Variants in UNK observed in about 807,000 individuals in gnomAD.
UNK encodes the protein unk zinc finger, also known as RING finger protein unkempt homolog.
UNK carries 32 observed loss-of-function variants against 97.6 expected under a neutral mutation model. The observed-to-expected ratio is 0.33, with a 90% confidence interval of 0.25 to 0.44. UNK has a LOEUF of 0.44. Ranked by LOEUF, UNK falls within the 20% of genes least tolerant of loss-of-function variation. The pLI is 1.00. For synonymous variants in UNK, 441 were observed against 461.2 expected, an observed-to-expected ratio of 0.96 and a Z score of 0.56; for missense variants, 771 against 1,098.4, an observed-to-expected ratio of 0.70 and a Z score of 4.21.
At chr17:75,822,371 A>ACACC in intron 13 of UNK, 106 bp from the exon 14 acceptor site, 1 of 1,342,086 alleles carries the variant, frequency 7.5e-7, no homozygotes. Flanking sequence ...GGAGCCTTGC[A>ACACC]CACCCATCCA....
At chr17:75,809,672 C>T (rs768331556) in intron 1 of UNK, 88 bp from the exon 2 acceptor site, 10 of 1,441,148 alleles carry the variant, frequency 6.9e-6, no homozygotes, top group Non-Finnish European at 8.5e-6. Context: ...GCAGGGCCCT[C>T]AGGGGACTTG....
chr17:75,812,646 G>A, intron 4 of UNK, 61 bp downstream of exon 4: 1 of 1,566,552 alleles, frequency 6.4e-7, no homozygotes, highest in Middle Eastern at 1.8e-4. Context: ...CTGCCCTGGG[G>A]ATTTGGCTCA....
chr17:75,814,489 C>A (rs868077237), intron 6 of UNK, among the ~76,000 whole-genome samples: 222 of 69,806 alleles, frequency 3.2e-3, no homozygotes, highest in East Asian at 8.6e-3. Context: ...GAGACTCCAT[C>A]AAAAAAAAAA....
chr17:75,803,969 C>T (rs2061887221), intron 1 of UNK, among the ~76,000 whole-genome samples: 1 of 152,236 alleles, frequency 6.6e-6, no homozygotes, highest in South Asian at 2.1e-4. Context: ...CCCTATGCTT[C>T]AGGGAAGTCA....
chr17:75,794,021 A>G (rs765801318), intron 1 of UNK: 187 of 985,184 alleles, frequency 1.9e-4, no homozygotes, highest in Admixed American at 2.5e-4. Context: ...GCATCTGGTG[A>G]CCTGTCACTT....
At chr17:75,793,446 G>A (rs539571927) in intron 1 of UNK, 1 of 985,290 alleles carries the variant, frequency 1.0e-6, no homozygotes, top group South Asian at 4.7e-5. Context: ...TTGCCAGTGT[G>A]TAGAATTTGA....
intron 1 of UNK, among the ~76,000 whole-genome samples, chr17:75,805,290 T>A (rs2061901762): frequency 6.8e-6 from 1 of 146,512 alleles, no homozygotes; most frequent in Non-Finnish European, 1.5e-5. Flanking sequence ...CCCAGCTACC[T>A]GGGAGGCTGA....
In UNK at chr17:75,819,742, T is replaced by A. The variant is rs1378524625; in HGVS notation, c.1605T>A (p.Thr535=). Residue 535 remains threonine, a synonymous_variant, in exon 12 of 16, where the codon ACT becomes ACA. Transcript: ENST00000589666. This position sits in a 1 kb window ranked among gnomAD's most constrained non-coding sequence, Gnocchi z 5.4. The part of the protein sequence containing the change: ...NEFGVAALEK[T]FDNSTVPHPG... ...TTGGCGTGGCCGCCCTGGAGAAGACTTTCGATAACAGCACAGTGCCCCACC... is the reference window on the plus strand; with the variant it reads ...TTGGCGTGGCCGCCCTGGAGAAGACATTCGATAACAGCACAGTGCCCCACC... 1.9e-6 allele frequency: 3 copies of A among 1,613,880 alleles called. No homozygotes were observed. In the Admixed American group the frequency reaches 5.0e-5, roughly 27 times the overall value.
chr17:75,818,188 C>G lies in UNK; in HGVS notation c.1371+20C>G. 1 of 1,613,064 alleles carries G rather than the reference C, an allele frequency of 6.2e-7. No homozygotes were observed. On this transcript the variant is annotated intron_variant, in intron 10 of 15. Transcript: ENST00000589666. This position sits in a 1 kb window ranked among gnomAD's most constrained non-coding sequence, Gnocchi z 5.1. Reference sequence around the variant, plus strand: ...AAACAGGTATAGAGCTCTCAGCCCCCTTCCTCCCCTCTGCTGTGGACAGGA... The same window carrying G: ...AAACAGGTATAGAGCTCTCAGCCCCGTTCCTCCCCTCTGCTGTGGACAGGA...
At chr17:75,786,232 C>T (rs1465242923) in intron 1 of UNK, among the ~76,000 whole-genome samples, 1 of 152,152 alleles carries the variant, frequency 6.6e-6, no homozygotes, top group Non-Finnish European at 1.5e-5. Flanking sequence ...GCAGTCTTTC[C>T]ATTGATTTTG....
rs764351518 is a variant in UNK at position 75,820,001 on chromosome 17, C to T, written c.1730C>T (p.Pro577Leu). The T allele has an allele frequency of 6.2e-6, 10 of 1,613,738 alleles. No homozygotes were observed. The highest frequency in any genetic ancestry group is 4.4e-5 in the South Asian group (4 of 91,090). The change falls in exon 13 of 16, where the codon CCG becomes CTG. Residue 577 changes from proline to leucine, a missense_variant. Pro to Leu is a moderately conservative substitution (Grantham distance 98, BLOSUM62 -3). Coordinates refer to ENST00000589666, the MANE Select transcript of UNK (RefSeq NM_001080419.3). ...TCTGCCTCCTTCCACTCAGCATCCC[C>T]GTCCCCTCCCGTCAGCCTCTCCTCG... Reference protein sequence around the residue: ...GSSASFHSASPSPPVSLSSHF... With the variant: ...GSSASFHSASLSPPVSLSSHF...
chr17:75,785,010 C>T, intron 1 of UNK, 26 bp downstream of exon 1: 18 of 1,317,378 alleles, frequency 1.4e-5, no homozygotes, highest in Non-Finnish European at 1.8e-5. Context: ...CCCCCCCCGC[C>T]GCGCGCGCAC....
rs763644110 is a variant in UNK, at chr17:75,818,066, C to T, written c.1306-37C>T. 3.1e-6 allele frequency: 5 copies of T among 1,608,204 alleles called. No homozygotes were observed. Among genetic ancestry groups the T allele is most frequent in the Non-Finnish European group, 4.3e-6 (5 of 1,175,826 alleles). The stretch of plus-strand genomic sequence containing the variant: ...TCAGATGGACTCAGGGACCCCCCAG[C>T]ACCACATTCATCCACTCCCTGAATT... On this transcript the variant is annotated intron_variant, in intron 9 of 15. Coordinates refer to ENST00000589666, the MANE Select transcript of UNK (RefSeq NM_001080419.3). The surrounding 1 kb of genome is among the most constrained non-coding windows in gnomAD (Gnocchi z 5.1).
rs1286829404 is a variant in UNK, at chr17:75,824,474, A to G, written c.*57A>G. 6.0e-6 allele frequency: 5 copies of G among 830,182 alleles called. No homozygotes were observed. The highest frequency in any genetic ancestry group is 7.7e-6 in the Non-Finnish European group (5 of 650,322). 51.4% of individuals were successfully genotyped at this position (830,182 alleles called of 1,614,324 possible). A position where few individuals can be genotyped will look rare whatever the true frequency, so the allele number is the denominator to read the frequency against. On this transcript the variant is annotated 3_prime_UTR_variant, in exon 16 of 16. Transcript: ENST00000589666. The surrounding 1 kb of genome is among the most constrained non-coding windows in gnomAD (Gnocchi z 4.9). Reference sequence around the variant, plus strand: ...CTTCTCACCTAGGACTTTTTAAAGTATATATATATATATGAATATATATAT... The same window carrying G: ...CTTCTCACCTAGGACTTTTTAAAGTGTATATATATATATGAATATATATAT...
chr17:75,822,420 G>T, intron 13 of UNK, 57 bp from the exon 14 acceptor site: 1 of 1,544,532 alleles, frequency 6.5e-7, no homozygotes, highest in Non-Finnish European at 8.8e-7. Flanking sequence ...GGCAGGGCTG[G>T]CCAGGGCCTG....
chr17:75,802,116 G>A (rs1192599042), intron 1 of UNK, among the ~76,000 whole-genome samples: 1 of 152,028 alleles, frequency 6.6e-6, no homozygotes, highest in African/African-American at 2.4e-5. Context: ...CCAAAGGGCT[G>A]GGATTACAGG....
chr17:75,809,100 G>A (rs1253913433), intron 1 of UNK: 55 of 147,910 alleles, frequency 3.7e-4, no homozygotes, highest in African/African-American at 1.2e-3. Flanking sequence ...GGGCGGGGGC[G>A]GGGGCGGGGG....
chr17:75,814,478 C>G (rs1291268980), intron 6 of UNK, among the ~76,000 whole-genome samples: 2 of 108,542 alleles, frequency 1.8e-5, no homozygotes, highest in African/African-American at 7.1e-5. Flanking sequence ...GGTGACAGAG[C>G]GAGACTCCAT....
In UNK at chr17:75,804,536, A is replaced by T. The variant is rs554578917; in HGVS notation, c.105-5224A>T. 3.3e-5 allele frequency among the ~76,000 whole-genome samples: 5 copies of T among 151,868 alleles called. No homozygotes were observed. In the South Asian group the frequency reaches 6.2e-4, roughly 19 times the overall value. On this transcript the variant is annotated intron_variant, in intron 1 of 15. Coordinates refer to ENST00000589666, the MANE Select transcript of UNK (RefSeq NM_001080419.3). The stretch of plus-strand genomic sequence containing the variant: ...AACTGGAAGAGATTAAAAGAGAAGT[A>T]TTAAGATTAATAGAATTCTGGCCAG...
Sources: allele counts gnomAD v4.1 joint callset (sites outside exome capture counted in the v4.1 genomes callset), GRCh38; gene constraint gnomAD v4.1.1; non-coding constraint Gnocchi (gnomAD v3.1); transcripts MANE v1.5; gene names NCBI Gene and HGNC (gene_info 2026-07-23, HGNC 2026-07-21).